The following SEC16A variants were observed in gnomAD, a reference collection of about 807,000 sequenced individuals.
SEC16A encodes the protein SEC16 homolog A, endoplasmic reticulum export factor.
SEC16A carries 110 observed loss-of-function variants against 221.9 expected under a neutral mutation model. The observed-to-expected ratio is 0.50, with a 90% confidence interval of 0.42 to 0.58. The LOEUF (loss-of-function observed/expected upper bound fraction) is 0.58. Ranked by LOEUF, SEC16A falls within the 20% of genes least tolerant of loss-of-function variation. The probability of loss-of-function intolerance (pLI) is 0.00; values close to 1 mark genes in which losing one functional copy is unlikely to be tolerated. For missense variants in SEC16A, 3,165 were observed against 3,097.8 expected, an observed-to-expected ratio of 1.02 and a Z score of -0.52; for synonymous variants, 1,393 against 1,257.7, an observed-to-expected ratio of 1.11 and a Z score of -2.28.
intron 19 of SEC16A, 98 bp from the exon 20 acceptor site, chr9:136,455,891 G>C: frequency 7.6e-7 from 1 of 1,310,388 alleles, no homozygotes; most frequent in Admixed American, 2.4e-5. Context: ...CCTACTTCAG[G>C]ACAGGAGGCA....
At chr9:136,480,421 G>A (rs1842171819) in intron 1 of SEC16A, among the ~76,000 whole-genome samples, 1 of 152,210 alleles carries the variant, frequency 6.6e-6, no homozygotes, top group African/African-American at 2.4e-5. Context: ...CTGCTGCTGT[G>A]AGAGCAAAAC....
Position 136,446,850 on chromosome 9 carries a change from C to T in SEC16A, c.6792+5G>A, listed in dbSNP as rs1046809763. On this transcript the variant is annotated splice_donor_5th_base_variant and intron_variant, in intron 28 of 31. Coordinates refer to ENST00000684901, the MANE Select transcript of SEC16A (RefSeq NM_014866.2). The stretch of plus-strand genomic sequence containing the variant: ...CCTTTCCCCTTTCCCACCGTACCCG[C>T]TCACCTTGGGCTCTGGGGCAGGCTC... 1.9e-6 allele frequency: 3 copies of T among 1,597,368 alleles called. No individual in the cohort carries two copies. In the African/African-American group the frequency reaches 4.1e-5, roughly 22 times the overall value.
chr9:136,476,514 C>T lies in SEC16A; in HGVS notation c.1102G>A (p.Ala368Thr). ...AAAAACATCGCCAGAGCTCCTGAAGCTCCTGAGTCTGCTTCTAGCGGGGCA... is the reference window on the plus strand; with the variant it reads ...AAAAACATCGCCAGAGCTCCTGAAGTTCCTGAGTCTGCTTCTAGCGGGGCA... ...GCAPLEADSG[A>T]SGALAMFFQG... Residue 368 changes from alanine (A) to threonine (T), a missense_variant, in exon 3 of 32, where the codon GCT becomes ACT. Coordinates refer to ENST00000684901, the MANE Select transcript of SEC16A (RefSeq NM_014866.2). 1 of 1,612,878 alleles carries T rather than the reference C, an allele frequency of 6.2e-7. No individual in the cohort carries two copies. Among genetic ancestry groups the T allele is most frequent in the Non-Finnish European group, 8.5e-7 (1 of 1,179,440 alleles).
Position 136,459,171 on chromosome 9 carries a change from G to T in SEC16A, c.5372C>A (p.Ser1791Tyr), listed in dbSNP as rs1383742166. Reference protein sequence around the residue: ...QRTEAYEYAQSLGAETCPLPS... With the variant: ...QRTEAYEYAQYLGAETCPLPS... ...CAGGGGGCAGGTCTCGGCACCCAGG[G>T]ACTGGGCGTACTCATAGGCTTCCGT... is the stretch of plus-strand genomic sequence containing the variant. Residue 1791 changes from serine (S) to tyrosine (Y), a missense_variant, in exon 17 of 32, where the codon TCC becomes TAC. Physicochemically the swap from Ser to Tyr is moderately radical, Grantham distance 144. Coordinates refer to ENST00000684901, the MANE Select transcript of SEC16A (RefSeq NM_014866.2). This position sits in a 1 kb window ranked among gnomAD's most constrained non-coding sequence, Gnocchi z 6.1. 1 of 1,613,368 alleles carries T rather than the reference G, an allele frequency of 6.2e-7. No individual in the cohort carries two copies.
intron 4 of SEC16A, among the ~76,000 whole-genome samples, chr9:136,471,461 G>T (rs962634011): frequency 6.6e-6 from 1 of 152,136 alleles, no homozygotes; most frequent in Non-Finnish European, 1.5e-5. Flanking sequence ...ACAACAGAGT[G>T]AGACCTGCCT....
Position 136,451,349 on chromosome 9 carries a change from C to T in SEC16A, c.6219G>A (p.Ser2073=), listed in dbSNP as rs752263725. 8.7e-6 allele frequency: 14 copies of T among 1,613,402 alleles called. No individual in the cohort carries two copies. The highest frequency in any genetic ancestry group is 8.0e-5 in the African/African-American group (6 of 74,896). ...EAPPGWDRAD[S]GPTQPPLSLS... is the part of the protein sequence containing the mutation. The stretch of plus-strand genomic sequence containing the variant: ...GAGACAGAGGTGGCTGCGTGGGACC[C>T]GAGTCGGCACGATCCCACCCTGGGG... The change falls in exon 23 of 32, where the codon TCG becomes TCA. Residue 2073 remains serine (S), a synonymous_variant. Transcript: ENST00000684901.
In SEC16A at chr9:136,475,216, C is replaced by T. The variant is rs567351328; in HGVS notation, c.2400G>A (p.Glu800=). 13 of 1,613,762 alleles carry T rather than the reference C, an allele frequency of 8.1e-6. No individual in the cohort carries two copies. The African/African-American group carries it at 1.6e-4, about 20-fold the overall frequency. The part of the protein sequence containing the change: ...NLENPPKMGE[E]EALQSQASSG... The stretch of plus-strand genomic sequence containing the variant: ...AACTCGCCTGGGACTGAAGGGCCTC[C>T]TCCTCTCCCATTTTGGGAGGATTCT... Residue 800 remains glutamate (E), a synonymous_variant, in exon 3 of 32, where the codon GAG becomes GAA. Coordinates refer to ENST00000684901, the MANE Select transcript of SEC16A (RefSeq NM_014866.2). The surrounding 1 kb of genome is among the most constrained non-coding windows in gnomAD (Gnocchi z 5.0).
upstream of SEC16A, chr9:136,483,780 G>T (rs1208107377): frequency 2.0e-6 from 2 of 985,484 alleles, no homozygotes; most frequent in East Asian, 2.3e-4. Flanking sequence ...TGGGCTGGGA[G>T]GCTGGAGGGC....
At chr9:136,483,531 A>T, upstream of SEC16A, 1 of 954,848 alleles carries the variant, frequency 1.0e-6, no homozygotes, top group Non-Finnish European at 1.2e-6. Flanking sequence ...GCCCCTCGCC[A>T]CCTGCCCGGC....
In SEC16A at chr9:136,440,726, G is replaced by A. The variant is rs538018960; in HGVS notation, c.*1029C>T. The A allele has an allele frequency of 1.3e-5, 2 of 152,652 alleles. No individual in the cohort carries two copies. The highest frequency in any genetic ancestry group is 4.1e-4 in the South Asian group (2 of 4,824). The allele number at this position is 152,652 out of a possible 1,614,324, so 9.5% of individuals were successfully genotyped here. On this transcript the variant is annotated 3_prime_UTR_variant, in exon 32 of 32. Transcript: ENST00000684901. ...CTCGGGGCAGAAATACTAAGTTCCA[G>A]AGCTGCTGTCAAGAAACTGTGTTAA...
intron 28 of SEC16A, among the ~76,000 whole-genome samples, chr9:136,446,310 T>C (rs1383196774): frequency 6.6e-6 from 1 of 151,654 alleles, no homozygotes; most frequent in East Asian, 1.9e-4. Context: ...GGTTTCACCA[T>C]GTTGGCCAGG....
chr9:136,466,534 T>G lies in SEC16A; in HGVS notation c.3930-72A>C. 1.4e-6 allele frequency: 2 copies of G among 1,430,578 alleles called. No individual in the cohort carries two copies. The highest frequency in any genetic ancestry group is 1.9e-6 in the Non-Finnish European group (2 of 1,063,830). The allele number at this position is 1,430,578 out of a possible 1,614,324, so 88.6% of individuals were successfully genotyped here. ...GCCCCGTCCCCATGTGCCACGCAGC[T>G]GCCCAGGAGCTGAGACCGAGACCCC... is the stretch of plus-strand genomic sequence containing the variant. On this transcript the variant is annotated intron_variant, in intron 6 of 31. Transcript: ENST00000684901. This position sits in a 1 kb window ranked among gnomAD's most constrained non-coding sequence, Gnocchi z 5.5.
In SEC16A at chr9:136,441,281, G is replaced by A. The variant is rs992232650; in HGVS notation, c.*474C>T. ...CGAGGGCCCAGATGGTGCAGAGCAG[G>A]GGTTGGGGTCTGCCTCAGTCACCCT... On this transcript the variant is annotated 3_prime_UTR_variant, in exon 32 of 32. Coordinates refer to ENST00000684901, the MANE Select transcript of SEC16A (RefSeq NM_014866.2). The A allele has an allele frequency of 5.4e-6, 1 of 186,806 alleles. No homozygotes were observed. The highest frequency in any genetic ancestry group is 2.3e-5 in the African/African-American group (1 of 43,022). 11.6% of individuals were successfully genotyped at this position (186,806 alleles called of 1,614,324 possible).
intron 4 of SEC16A, among the ~76,000 whole-genome samples, chr9:136,469,108 C>T (rs1457695345): frequency 6.6e-6 from 1 of 152,134 alleles, no homozygotes; most frequent in East Asian, 1.9e-4. Context: ...CCTCAGCCTC[C>T]TAAAGTGCTG....
Position 136,455,642 on chromosome 9 carries a change from C to T in SEC16A, c.5816G>A (p.Ser1939Asn), listed in dbSNP as rs1166945687. ...CACGCTCGGGCTCGAGTGCTCAGGG[C>T]TCGGTGCAGGCACCGCCAGCAGAGG... Reference protein sequence around the residue: ...ANPLLAVPAPSPEHSSPSVRL... With the variant: ...ANPLLAVPAPNPEHSSPSVRL... Residue 1939 changes from serine to asparagine, a missense_variant, in exon 20 of 32, where the codon AGC becomes AAC. This residue lies in a region of SEC16A where 1,088 missense variants were observed against 1,089.6 expected (regional missense o/e 1.00). Coordinates refer to ENST00000684901, the MANE Select transcript of SEC16A (RefSeq NM_014866.2). 1.3e-6 allele frequency: 2 copies of T among 1,588,552 alleles called. No individual in the cohort carries two copies. The highest frequency in any genetic ancestry group is 4.6e-5 in the East Asian group (2 of 43,478).
At position 136,448,893 on chromosome 9, in the gene SEC16A, G is replaced by A; in HGVS notation, c.6313-732C>T. The A allele has an allele frequency of 4.3e-6, 3 of 695,068 alleles. No homozygotes were observed. The South Asian group carries it at 4.7e-5, about 11-fold the overall frequency. The allele number at this position is 695,068 out of a possible 1,614,324, so 43.1% of individuals were successfully genotyped here. Reference sequence around the variant, plus strand: ...ACCGGGAGTTGTTTCGTTTCAAGGAGACAGAGTTTCTGTTTGGGAAGGTGA... The same window carrying A: ...ACCGGGAGTTGTTTCGTTTCAAGGAAACAGAGTTTCTGTTTGGGAAGGTGA... On this transcript the variant is annotated intron_variant, in intron 23 of 31. Coordinates refer to ENST00000684901, the MANE Select transcript of SEC16A (RefSeq NM_014866.2).
In SEC16A at chr9:136,443,862, G is replaced by A. The variant is rs761311945; in HGVS notation, c.6966C>T (p.Ser2322=). Residue 2322 remains serine (S), a synonymous_variant, in exon 31 of 32, where the codon AGC becomes AGT. Coordinates refer to ENST00000684901, the MANE Select transcript of SEC16A (RefSeq NM_014866.2). ...CAGGGTTGTAGAAGGGCATGGCCCC[G>A]CTGGGAGGGCCCCCTGCAGCAGGGA... ...GDLPAAGGPP[S]GAMPFYNPAQ... 49 of 1,611,034 alleles carry A rather than the reference G, an allele frequency of 3.0e-5. No homozygotes were observed. In the East Asian group the frequency reaches 8.5e-4, roughly 28 times the overall value.
chr9:136,473,947 G>A (rs1202233986), intron 3 of SEC16A, 102 bp downstream of exon 3: 1 of 1,319,022 alleles, frequency 7.6e-7, no homozygotes, highest in Non-Finnish European at 1.0e-6. Context: ...GGTGACCCCG[G>A]AACCAAGCGA....
chr9:136,459,843 C>A lies in SEC16A; in HGVS notation c.5105G>T (p.Arg1702Met). The A allele has an allele frequency of 6.2e-7, 1 of 1,613,676 alleles. No homozygotes were observed. The highest frequency in any genetic ancestry group is 8.5e-7 in the Non-Finnish European group (1 of 1,179,766). The part of the protein sequence containing the change: ...CCGDEKWGDW[R>M]PHLAMVLSNL... ...GGACAAGACCATGGCGAGGTGCGGC[C>A]TCCAATCTCCCCATTTCTCGTCTCC... The change falls in exon 15 of 32, where the codon AGG becomes ATG. Residue 1702 changes from arginine (R) to methionine (M), a missense_variant. By Grantham distance (91) the Arg-to-Met change is moderately conservative (BLOSUM62 -1). Coordinates refer to ENST00000684901, the MANE Select transcript of SEC16A (RefSeq NM_014866.2). The surrounding 1 kb of genome is among the most constrained non-coding windows in gnomAD (Gnocchi z 6.1).
Sources: allele counts gnomAD v4.1 joint callset (sites outside exome capture counted in the v4.1 genomes callset), GRCh38; gene constraint gnomAD v4.1.1; regional missense constraint gnomAD v4.1.1; non-coding constraint Gnocchi (gnomAD v3.1); transcripts MANE v1.5; gene names NCBI Gene and HGNC (gene_info 2026-07-23, HGNC 2026-07-21).